The following SLC38A6 variants were observed in gnomAD, a reference collection of about 807,000 sequenced individuals.
SLC38A6 encodes N system amino acid transporter NAT-1.
Under a neutral mutation model 65.0 loss-of-function variants are expected in SLC38A6, and 73 were observed. That is an observed-to-expected ratio of 1.12 (90% CI 0.93 to 1.37). SLC38A6 has a LOEUF of 1.37. Ranked by LOEUF, SLC38A6 falls within the 40% of genes most tolerant of loss-of-function variation. SLC38A6 has a pLI of 0.00. For missense variants in SLC38A6, 561 were observed against 531.1 expected (o/e 1.06, Z -0.55); for synonymous variants, 183 against 178.8 (o/e 1.02, Z -0.19).
At chr14:61,054,260 A>G (rs1266382764), downstream of SLC38A6, among the ~76,000 whole-genome samples, 1 of 151,950 alleles carries the variant, frequency 6.6e-6, no homozygotes, top group East Asian at 1.9e-4. Context: ...ACTGTCATGC[A>G]GTTTTAGTTC....
At chr14:61,054,726 C>T (rs192313786), downstream of SLC38A6, among the ~76,000 whole-genome samples, 89 of 152,206 alleles carry the variant, frequency 5.8e-4, no homozygotes, top group East Asian at 5.6e-3. Context: ...ATTTTATATC[C>T]TGAAACTTTG....
intron 7 of SLC38A6, 105 bp from the exon 8 acceptor site, chr14:61,037,520 A>T: frequency 1.3e-6 from 1 of 751,590 alleles, no homozygotes; most frequent in Non-Finnish European, 2.2e-6. Flanking sequence ...TAAGCCCCAG[A>T]TACCAACCAC....
At chr14:61,010,223 G>A (rs1483770211) in intron 3 of SLC38A6, among the ~76,000 whole-genome samples, 1 of 151,924 alleles carries the variant, frequency 6.6e-6, no homozygotes, top group East Asian at 1.9e-4. Context: ...ACTTGTTGAT[G>A]CGGTTGTTTT....
chr14:61,025,381 G>GT (rs1002554388), intron 5 of SLC38A6, among the ~76,000 whole-genome samples: 1 of 152,052 alleles, frequency 6.6e-6, no homozygotes, highest in African/African-American at 2.4e-5. Flanking sequence ...AGTTTGTATT[G>GT]TCTCTTGGGA....
At chr14:60,992,417 C>T (rs905123131) in intron 3 of SLC38A6, among the ~76,000 whole-genome samples, 20 of 152,282 alleles carry the variant, frequency 1.3e-4, no homozygotes, top group African/African-American at 4.3e-4. Flanking sequence ...AAATATTTCT[C>T]GGATCTGCCT....
intron 2 of SLC38A6, 137 bp from the exon 3 acceptor site, chr14:60,984,593 C>A: frequency 5.3e-6 from 3 of 563,280 alleles, no homozygotes; most frequent in South Asian, 3.0e-5. Context: ...TCTTAATTTC[C>A]TTAATGAACA....
intron 3 of SLC38A6, among the ~76,000 whole-genome samples, chr14:60,999,461 C>T (rs1289848043): frequency 6.6e-6 from 1 of 151,986 alleles, no homozygotes. Context: ...ATTCTGAATA[C>T]CTTCTTTTTA....
rs149328245 is a variant in SLC38A6, at chr14:61,036,968, G to GTGTA, written c.483-88_483-87insATGT. On this transcript the variant is annotated intron_variant, in intron 6 of 15. Coordinates refer to ENST00000267488, the MANE Select transcript of SLC38A6 (RefSeq NM_153811.3). ...TTGTAATGGTTATAACTCTGTGTGT[G>GTGTA]TGTGTGTGTGTGTGTGTGTGTGTGT... 9.5e-5 allele frequency: 60 copies of GTGTA among 630,998 alleles called. 1 individual carries two copies. In the African/African-American group the frequency reaches 9.9e-4, roughly 10 times the overall value. The allele number at this position is 630,998 out of a possible 1,614,324, so 39.1% of individuals were successfully genotyped here.
chr14:61,010,503 T>C (rs2039477372), intron 3 of SLC38A6, among the ~76,000 whole-genome samples: 1 of 152,260 alleles, frequency 6.6e-6, no homozygotes, highest in African/African-American at 2.4e-5. Flanking sequence ...TTCTATGGTT[T>C]TTATGGTTTT....
intron 8 of SLC38A6, among the ~76,000 whole-genome samples, chr14:61,039,010 G>A (rs2041599916): frequency 6.6e-6 from 1 of 152,180 alleles, no homozygotes; most frequent in Non-Finnish European, 1.5e-5. Context: ...ATATTAAAGA[G>A]AATCAGTATA....
chr14:61,062,154 A>G (rs2042869547), intron 15 of SLC38A6, among the ~76,000 whole-genome samples: 1 of 152,188 alleles, frequency 6.6e-6, no homozygotes, highest in Non-Finnish European at 1.5e-5. Flanking sequence ...TTATGTAGAC[A>G]TAATTTGCAG....
chr14:61,030,306 TCTTTG>T, intron 5 of SLC38A6, 134 bp from the exon 6 acceptor site: 1 of 555,376 alleles, frequency 1.8e-6, no homozygotes, highest in East Asian at 3.0e-5. Context: ...TGTGTATGTA[TCTTTG>T]GTATAGTGTG....
At chr14:60,983,141 G>A (rs1373816778) in intron 2 of SLC38A6, among the ~76,000 whole-genome samples, 1 of 152,030 alleles carries the variant, frequency 6.6e-6, no homozygotes, top group Non-Finnish European at 1.5e-5. Flanking sequence ...AGACAATCCT[G>A]GATATTCTGT....
chr14:61,075,202 T>C lies in SLC38A6; in HGVS notation c.1291-3608T>C, dbSNP rs578012568. Among the ~76,000 whole-genome samples, 33 of 152,336 alleles carry C rather than the reference T, an allele frequency of 2.2e-4. No homozygotes were observed. The East Asian group carries it at 4.0e-3, about 19-fold the overall frequency. On this transcript the variant is annotated intron_variant, in intron 15 of 16. Coordinates refer to the SLC38A6 transcript ENST00000354886. Reference sequence around the variant, plus strand: ...GCATTTTAAGAACAGAAGCGTTTAATATTCAGTTTTAATTTGCCTGTCTCT... The same window carrying C: ...GCATTTTAAGAACAGAAGCGTTTAACATTCAGTTTTAATTTGCCTGTCTCT...
intron 5 of SLC38A6, among the ~76,000 whole-genome samples, chr14:61,022,450 G>A (rs1196901630): frequency 6.7e-6 from 1 of 149,796 alleles, no homozygotes; most frequent in African/African-American, 2.5e-5. Flanking sequence ...AATATACTGT[G>A]TCATTATATT....
downstream of SLC38A6, among the ~76,000 whole-genome samples, chr14:61,054,774 C>A (rs971309086): frequency 6.6e-6 from 1 of 151,690 alleles, no homozygotes; most frequent in African/African-American, 2.4e-5. Context: ...GGGTGGAGAC[C>A]ATTCTAGATA....
intron 3 of SLC38A6, among the ~76,000 whole-genome samples, chr14:60,995,823 A>G (rs2038252203): frequency 6.6e-6 from 1 of 152,204 alleles, no homozygotes; most frequent in Admixed American, 6.5e-5. Flanking sequence ...CATTCTGGAA[A>G]AGGCAAAACT....
At chr14:61,007,086 C>T (rs1430548319) in intron 3 of SLC38A6, among the ~76,000 whole-genome samples, 2 of 152,086 alleles carry the variant, frequency 1.3e-5, no homozygotes, top group East Asian at 3.9e-4. Context: ...AAAAACCAAA[C>T]ACCACATGTT....
At chr14:61,048,215 G>T (rs2042282145) in intron 12 of SLC38A6, 2 of 439,082 alleles carry the variant, frequency 4.6e-6, no homozygotes, top group Non-Finnish European at 4.5e-6. Flanking sequence ...ATAAGGGCTA[G>T]CCTCAACTTA....
Sources: allele counts gnomAD v4.1 joint callset (sites outside exome capture counted in the v4.1 genomes callset), GRCh38; gene constraint gnomAD v4.1.1; transcripts MANE v1.5; gene names NCBI Gene and HGNC (gene_info 2026-07-23, HGNC 2026-07-21).